WIPI2: variants seen among roughly 807,000 people sequenced by gnomAD.
WIPI2 encodes the protein WD repeat domain phosphoinositide-interacting protein 2.
A neutral mutation model predicts 52.3 loss-of-function variants in WIPI2; 28 were observed. The ratio of observed to expected loss-of-function variants is 0.54; its 90% CI spans 0.40 to 0.73. The LOEUF is 0.73. WIPI2 is among the 30% of genes least tolerant of loss of function. The pLI is 0.00. For missense variants in WIPI2, 506 were observed against 602.9 expected (o/e 0.84, Z 1.68); for synonymous variants, 268 against 245.0 (o/e 1.09, Z -0.88).
At chr7:5,192,128 A>G (rs1185606244) in intron 1 of WIPI2, among the ~76,000 whole-genome samples, 4 of 152,182 alleles carry the variant, frequency 2.6e-5, no homozygotes, top group Admixed American at 2.0e-4. Flanking sequence ...ACGTGTAAAG[A>G]TGAAAACTCC....
intron 7 of WIPI2, among the ~76,000 whole-genome samples, chr7:5,219,225 CG>C (rs1782970138): frequency 1.3e-5 from 2 of 152,190 alleles, no homozygotes; most frequent in African/African-American, 4.8e-5. Context: ...GCGGTGTGCC[CG>C]GGGCCGCCCA....
rs1477593500 is a variant in WIPI2, at chr7:5,233,643, C to G, written c.*2696C>G. ...AGAACTGCTTCAGTCCCCGCTGTAC[C>G]GCCTGCCTAGCTGTGGGAGCAGGCA... On this transcript the variant is annotated 3_prime_UTR_variant, in exon 13 of 13. Coordinates refer to ENST00000288828, the MANE Select transcript of WIPI2 (RefSeq NM_015610.4). 1.3e-5 allele frequency: 2 copies of G among 152,428 alleles called. No homozygotes were observed. Among genetic ancestry groups the G allele is most frequent in the African/African-American group, 4.8e-5 (2 of 41,386 alleles). The allele number at this position is 152,428 out of a possible 1,614,324, so 9.4% of individuals were successfully genotyped here. A position where few individuals can be genotyped will look rare whatever the true frequency, so the allele number is the denominator to read the frequency against.
chr7:5,232,656 G>C lies in WIPI2; in HGVS notation c.*1709G>C, dbSNP rs1369910749. 1 of 224,758 alleles carries C rather than the reference G, an allele frequency of 4.4e-6. No homozygotes were observed. Among genetic ancestry groups the C allele is most frequent in the Non-Finnish European group, 8.6e-6 (1 of 115,846 alleles). The allele number at this position is 224,758 out of a possible 1,614,324, so 13.9% of individuals were successfully genotyped here. ...CAGCCTTGACCCACGCCTGCGTCTT[G>C]TGGTGCAAGGCCAGAGGGCTCTCTC... On this transcript the variant is annotated 3_prime_UTR_variant, in exon 13 of 13. Transcript: ENST00000288828.
chr7:5,203,413 A>G (rs1401860794), intron 3 of WIPI2, among the ~76,000 whole-genome samples: 1 of 152,200 alleles, frequency 6.6e-6, no homozygotes, highest in South Asian at 2.1e-4. Context: ...TTCCCACTCC[A>G]GAGCTTCATC....
chr7:5,212,142 G>A (rs567389575), intron 3 of WIPI2, among the ~76,000 whole-genome samples: 3 of 152,262 alleles, frequency 2.0e-5, no homozygotes, highest in East Asian at 3.9e-4. Flanking sequence ...CATTCCATCC[G>A]TTCAGCCAGT....
intron 3 of WIPI2, among the ~76,000 whole-genome samples, chr7:5,204,026 T>G (rs1306409278): frequency 6.6e-6 from 1 of 152,232 alleles, no homozygotes; most frequent in East Asian, 1.9e-4. Context: ...TTCTTTGCTT[T>G]CTTTTGATTA....
chr7:5,199,184 C>T (rs909843350), intron 2 of WIPI2, among the ~76,000 whole-genome samples: 1 of 151,964 alleles, frequency 6.6e-6, no homozygotes, highest in African/African-American at 2.4e-5. Flanking sequence ...AAGGGCACCA[C>T]CATGCCTAGC....
Position 5,228,152 on chromosome 7 carries a change from G to GTACA in WIPI2, c.1064_1067dup (p.Met356IlefsTer30), listed in dbSNP as rs767634808. On this transcript the variant is annotated frameshift_variant, in exon 11 of 13. Transcript: ENST00000288828. LOFTEE classifies it high-confidence loss of function. ...TGGTGGGTGCCGCCGACGGGTACCT[G>GTACA]TACATGTACAACCTGGACCCCCAGG... 1 of 1,613,978 alleles carries GTACA rather than the reference G, an allele frequency of 6.2e-7. No individual in the cohort carries two copies. The highest frequency in any genetic ancestry group is 1.7e-5 in the Admixed American group (1 of 60,016).
chr7:5,227,321 C>A lies in WIPI2; in HGVS notation c.990C>A (p.His330Gln), dbSNP rs1437444047. ...CGGTCCGCCTGCCATTCTGCGGCCA[C>A]AAAAACATCTGCTCGCTAGCCACGT... ...FATVRLPFCG[H>Q]KNICSLATIQ... The change falls in exon 10 of 13, where the codon CAC (histidine) becomes CAA (glutamine). Residue 330 changes from histidine to glutamine, a missense_variant. Coordinates refer to ENST00000288828, the MANE Select transcript of WIPI2 (RefSeq NM_015610.4). This position sits in a 1 kb window ranked among gnomAD's most constrained non-coding sequence, Gnocchi z 8.1. 1 of 1,613,728 alleles carries A rather than the reference C, an allele frequency of 6.2e-7. No individual in the cohort carries two copies. The highest frequency in any genetic ancestry group is 2.2e-5 in the East Asian group (1 of 44,888).
At position 5,229,593 on chromosome 7, in the gene WIPI2, C is replaced by T. The variant is rs781637609; in HGVS notation, c.1122-15C>T. On this transcript the variant is annotated splice_polypyrimidine_tract_variant and intron_variant, in intron 11 of 12. Coordinates refer to ENST00000288828, the MANE Select transcript of WIPI2 (RefSeq NM_015610.4). ...TGTGTGGAGACGCTGAGCTGTGTCG[C>T]TTTCTTCCCTCCAGGCTGGACGGCA... 1.2e-5 allele frequency: 19 copies of T among 1,610,954 alleles called. No individual in the cohort carries two copies. Among genetic ancestry groups the T allele is most frequent in the Middle Eastern group, 3.3e-4 (2 of 6,074 alleles).
chr7:5,218,028 T>C lies in WIPI2; in HGVS notation c.669+14T>C. ...GCTTCGGAGAAGGTGAGTCTGCTTT[T>C]CCCCGGGGGAGCACTGGTGCCAAGG... On this transcript the variant is annotated intron_variant, in intron 7 of 12. Coordinates refer to ENST00000288828, the MANE Select transcript of WIPI2 (RefSeq NM_015610.4). 2 of 1,613,972 alleles carry C rather than the reference T, an allele frequency of 1.2e-6. No homozygotes were observed. Among genetic ancestry groups the C allele is most frequent in the South Asian group, 1.1e-5 (1 of 91,078 alleles).
At chr7:5,200,398 G>T (rs937593672) in intron 3 of WIPI2, among the ~76,000 whole-genome samples, 1 of 152,098 alleles carries the variant, frequency 6.6e-6, no homozygotes, top group Non-Finnish European at 1.5e-5. Context: ...AAATAATACA[G>T]GTCCCTTGCA....
chr7:5,203,883 A>C (rs1311395467), intron 3 of WIPI2, among the ~76,000 whole-genome samples: 1 of 151,934 alleles, frequency 6.6e-6, no homozygotes, highest in Admixed American at 6.6e-5. Flanking sequence ...TCAGCCTCCC[A>C]AAGTGCTGGG....
intron 3 of WIPI2, among the ~76,000 whole-genome samples, chr7:5,210,313 G>A (rs552037691): frequency 1.1e-4 from 16 of 152,266 alleles, no homozygotes; most frequent in African/African-American, 3.4e-4. Flanking sequence ...ATATGTCAAG[G>A]TCGCCATATA....
At chr7:5,203,056 A>G (rs1027179562) in intron 3 of WIPI2, among the ~76,000 whole-genome samples, 1 of 152,196 alleles carries the variant, frequency 6.6e-6, no homozygotes, top group Non-Finnish European at 1.5e-5. Context: ...AAAAGTGACT[A>G]CAGCCTGCGT....
intron 7 of WIPI2, among the ~76,000 whole-genome samples, chr7:5,220,243 CTTT>C (rs11318842): frequency 7.8e-5 from 10 of 128,922 alleles, no homozygotes; most frequent in African/African-American, 8.9e-5. Flanking sequence ...CTGCTTTTTG[CTTT>C]TTTTTTTTTT....
At chr7:5,228,003 G>A (rs926858132) in intron 10 of WIPI2, 101 bp from the exon 11 acceptor site, 2 of 1,082,414 alleles carry the variant, frequency 1.8e-6, no homozygotes, top group Non-Finnish European at 2.8e-6. Context: ...TGCTCATCTT[G>A]CTGGGGTCTC....
At chr7:5,214,725 G>T (rs1474684090) in intron 4 of WIPI2, 21 bp downstream of exon 4, 1 of 1,612,100 alleles carries the variant, frequency 6.2e-7, no homozygotes, top group Non-Finnish European at 8.5e-7. Context: ...CCCCAGCTGG[G>T]TGTGGGCTTG....
intron 11 of WIPI2, 59 bp from the exon 12 acceptor site, chr7:5,229,549 A>G: frequency 6.3e-7 from 1 of 1,575,414 alleles, no homozygotes; most frequent in Non-Finnish European, 8.6e-7. Flanking sequence ...GCCAGTGTGT[A>G]CTGCCCGCAG....
Sources: allele counts gnomAD v4.1 joint callset (sites outside exome capture counted in the v4.1 genomes callset), GRCh38; gene constraint gnomAD v4.1.1; non-coding constraint Gnocchi (gnomAD v3.1); transcripts MANE v1.5; gene names NCBI Gene and HGNC (gene_info 2026-07-23, HGNC 2026-07-21).